Variants in CTNNA2 observed in about 807,000 individuals in gnomAD.
CTNNA2 encodes the protein catenin alpha 2.
A neutral mutation model predicts 101.0 loss-of-function variants in CTNNA2; 42 were observed. The observed-to-expected ratio is 0.42, with a 90% CI of 0.32 to 0.54. CTNNA2 has a LOEUF of 0.54. Ranked by LOEUF, CTNNA2 falls within the 20% of genes least tolerant of loss-of-function variation. CTNNA2 has a pLI of 0.14. For synonymous variants in CTNNA2, 450 were observed against 456.4 expected (o/e 0.99, Z 0.18); for missense variants, 871 against 1,223.1 (o/e 0.71, Z 4.29).
intron 2 of CTNNA2, among the ~76,000 whole-genome samples, chr2:79,255,394 A>C (rs911224226): frequency 2.0e-5 from 3 of 152,210 alleles, no homozygotes; most frequent in Non-Finnish European, 4.4e-5. Context: ...AGTAGAAGGT[A>C]AATTATACAT....
At chr2:80,638,484 A>G (rs1430292379) in intron 18 of CTNNA2, among the ~76,000 whole-genome samples, 2 of 152,156 alleles carry the variant, frequency 1.3e-5, no homozygotes, top group Non-Finnish European at 2.9e-5. Flanking sequence ...AGGAAAGAGT[A>G]AGTATAGGAA....
intron 1 of CTNNA2, among the ~76,000 whole-genome samples, chr2:79,197,700 C>T (rs1000398456): frequency 1.2e-4 from 19 of 152,158 alleles, no homozygotes; most frequent in African/African-American, 4.3e-4. Flanking sequence ...TTTTCTTGAT[C>T]ATCCATGCAT....
At chr2:80,534,972 A>C (rs1399884803) in intron 9 of CTNNA2, among the ~76,000 whole-genome samples, 1 of 152,236 alleles carries the variant, frequency 6.6e-6, no homozygotes, top group Non-Finnish European at 1.5e-5. Context: ...AGGGAATCTT[A>C]TTCAATAATT....
chr2:80,147,726 GT>G (rs1703439691), intron 7 of CTNNA2, among the ~76,000 whole-genome samples: 1 of 152,102 alleles, frequency 6.6e-6, no homozygotes, highest in Admixed American at 6.5e-5. Flanking sequence ...GCAGTGTTTT[GT>G]GTTAGTCATT....
At chr2:79,400,966 A>G (rs1379335287) in intron 4 of CTNNA2, among the ~76,000 whole-genome samples, 1 of 152,016 alleles carries the variant, frequency 6.6e-6, no homozygotes, top group East Asian at 1.9e-4. Flanking sequence ...AAACCATGAA[A>G]AGAAAAACAC....
chr2:80,011,071 C>T (rs1420450936), intron 7 of CTNNA2, among the ~76,000 whole-genome samples: 5 of 152,066 alleles, frequency 3.3e-5, no homozygotes, highest in Admixed American at 3.3e-4. Context: ...GGACACCTCC[C>T]CACTCCAAAC....
At chr2:80,030,040 A>G (rs1294488887) in intron 7 of CTNNA2, among the ~76,000 whole-genome samples, 3 of 152,110 alleles carry the variant, frequency 2.0e-5, no homozygotes, top group Non-Finnish European at 4.4e-5. Context: ...TTTGGGGGAA[A>G]TAAAATTGGA....
In CTNNA2 at chr2:80,216,607, A is replaced by G. The variant is rs576340492; in HGVS notation, c.1057-176604A>G. Among the ~76,000 whole-genome samples the G allele has an allele frequency of 1.5e-3, 230 of 152,238 alleles. 2 individuals are homozygous for G. The highest frequency in any genetic ancestry group is 5.2e-3 in the African/African-American group (216 of 41,556). On this transcript the variant is annotated intron_variant, in intron 7 of 18. Transcript: ENST00000402739. ...TCTCTTTTTACCATGTGAGGATACT[A>G]GGAGAAGTTGGTAGTCTGCAGCCCA...
At chr2:79,371,387 T>C (rs1222384115) in intron 3 of CTNNA2, among the ~76,000 whole-genome samples, 2 of 151,682 alleles carry the variant, frequency 1.3e-5, no homozygotes, top group East Asian at 3.9e-4. Flanking sequence ...ACTGAAGCTA[T>C]CAGCAGCAGC....
intron 2 of CTNNA2, among the ~76,000 whole-genome samples, chr2:79,255,890 T>C (rs540791360): frequency 1.9e-4 from 29 of 152,238 alleles, no homozygotes; most frequent in African/African-American, 6.7e-4. Context: ...CTCCTCAAAG[T>C]CAAGAGCAAA....
intron 3 of CTNNA2, among the ~76,000 whole-genome samples, chr2:79,794,619 C>A (rs1281445135): frequency 1.3e-5 from 2 of 152,074 alleles, no homozygotes; most frequent in Non-Finnish European, 2.9e-5. Context: ...AAGTCTTAAG[C>A]GTACAATATT....
At chr2:79,846,768 C>T (rs1248973929) in intron 3 of CTNNA2, among the ~76,000 whole-genome samples, 1 of 151,884 alleles carries the variant, frequency 6.6e-6, no homozygotes, top group Non-Finnish European at 1.5e-5. Context: ...GAAATTCAGA[C>T]ATTGAGTTCC....
At chr2:79,261,161 C>T (rs1434655017) in intron 2 of CTNNA2, among the ~76,000 whole-genome samples, 1 of 152,122 alleles carries the variant, frequency 6.6e-6, no homozygotes, top group African/African-American at 2.4e-5. Context: ...GCCTCTCAAC[C>T]ATCCACCACT....
chr2:80,344,701 G>C (rs1487381781), intron 7 of CTNNA2, among the ~76,000 whole-genome samples: 2 of 152,138 alleles, frequency 1.3e-5, no homozygotes, highest in Non-Finnish European at 2.9e-5. Context: ...GCCCAGGCTG[G>C]TCTTGAGCTC....
At chr2:79,295,163 G>A (rs1014783162) in intron 2 of CTNNA2, among the ~76,000 whole-genome samples, 4 of 152,048 alleles carry the variant, frequency 2.6e-5, no homozygotes, top group South Asian at 2.1e-4. Flanking sequence ...CATCAGTCTA[G>A]CACCTGCAAC....
intron 8 of CTNNA2, among the ~76,000 whole-genome samples, chr2:80,412,900 G>A (rs1320290270): frequency 6.6e-6 from 1 of 152,148 alleles, no homozygotes; most frequent in East Asian, 1.9e-4. Context: ...CGTTGAATGA[G>A]CCTTTCAAAT....
Position 79,592,598 on chromosome 2 carries a change from A to C in CTNNA2, c.-5-58954A>C, listed in dbSNP as rs1461232886. Among the ~76,000 whole-genome samples the C allele has an allele frequency of 3.3e-5, 5 of 152,148 alleles. No homozygotes were observed. The East Asian group carries it at 9.6e-4, about 29-fold the overall frequency. Reference sequence around the variant, plus strand: ...GCATTCAGCATAATAACACAACATCACACACATACCCCACACAAACTCTTG... The same window carrying C: ...GCATTCAGCATAATAACACAACATCCCACACATACCCCACACAAACTCTTG... On this transcript the variant is annotated intron_variant, in intron 1 of 18. Transcript: ENST00000402739.
At chr2:80,027,754 G>T (rs918293321) in intron 7 of CTNNA2, among the ~76,000 whole-genome samples, 1 of 151,892 alleles carries the variant, frequency 6.6e-6, no homozygotes, top group Non-Finnish European at 1.5e-5. Context: ...CATTGCATGA[G>T]GCCAGGAGTT....
chr2:80,186,282 C>A (rs1706122804), intron 7 of CTNNA2, among the ~76,000 whole-genome samples: 1 of 152,212 alleles, frequency 6.6e-6, no homozygotes. Context: ...TAAAAATGAA[C>A]AATAAATTGC....
Sources: gnomAD v4.1 joint callset for allele counts (sites outside exome capture counted in the v4.1 genomes callset) on GRCh38, gnomAD v4.1.1 for gene constraint, MANE v1.5 for transcripts, NCBI Gene and HGNC (gene_info 2026-07-23, HGNC 2026-07-21) for gene names.